The following ZNF654 variants were observed in gnomAD, a reference collection of about 807,000 sequenced individuals.
The protein encoded by ZNF654 is zinc finger protein 654.
Under a neutral mutation model 95.3 loss-of-function variants are expected in ZNF654, and 19 were observed. That is an observed-to-expected ratio of 0.20 (90% CI 0.14 to 0.29). ZNF654 has a LOEUF of 0.29. Ranked by LOEUF, ZNF654 falls within the 10% of genes least tolerant of loss-of-function variation. The pLI is 1.00. For synonymous variants in ZNF654, 413 were observed against 457.9 expected (o/e 0.90, Z 1.25); for missense variants, 1,046 against 1,341.0 (o/e 0.78, Z 3.44).
chr3:88,106,928 T>C (rs1704777545), intron 2 of ZNF654, among the ~76,000 whole-genome samples: 1 of 152,238 alleles, frequency 6.6e-6, no homozygotes, highest in East Asian at 1.9e-4. Flanking sequence ...CACATACTAT[T>C]GTGGTCTCTT....
chr3:88,103,192 A>G (rs1247441379), intron 2 of ZNF654, among the ~76,000 whole-genome samples: 7 of 152,188 alleles, frequency 4.6e-5, no homozygotes, highest in African/African-American at 1.7e-4. Context: ...GAGACCCCCT[A>G]TTAAGAGATA....
intron 7 of ZNF654, among the ~76,000 whole-genome samples, chr3:88,137,250 G>A (rs1269929180): frequency 2.9e-5 from 4 of 138,934 alleles, no homozygotes; most frequent in Non-Finnish European, 6.3e-5. Context: ...GAAAGAAAAC[G>A]AATTCTGTTT....
chr3:88,093,062 TG>T (rs1351131467), intron 2 of ZNF654, among the ~76,000 whole-genome samples: 11 of 152,236 alleles, frequency 7.2e-5, no homozygotes, highest in Non-Finnish European at 1.5e-4. Context: ...CCTTATAAGA[TG>T]TATTTTCTGA....
intron 1 of ZNF654, 38 bp downstream of exon 1, chr3:88,059,543 G>A: frequency 6.9e-7 from 1 of 1,452,102 alleles, no homozygotes; most frequent in Non-Finnish European, 9.0e-7. Flanking sequence ...TGTCACCCGG[G>A]TCCTGGGCCT....
At chr3:88,107,068 C>T (rs1451090937) in intron 2 of ZNF654, among the ~76,000 whole-genome samples, 2 of 152,110 alleles carry the variant, frequency 1.3e-5, no homozygotes, top group African/African-American at 2.4e-5. Context: ...TTGCCAGATA[C>T]ACAATTTTGT....
chr3:88,078,432 C>G (rs185742509), intron 1 of ZNF654, among the ~76,000 whole-genome samples: 387 of 151,994 alleles, frequency 2.5e-3, no homozygotes, highest in African/African-American at 9.1e-3. Context: ...AAATCTCATC[C>G]CAGGATACTG....
Position 88,139,621 on chromosome 3 carries a change from A to G in ZNF654, c.1952A>G (p.Lys651Arg). 6.2e-7 allele frequency: 1 copy of G among 1,613,656 alleles called. No individual in the cohort carries two copies. The highest frequency in any genetic ancestry group is 8.5e-7 in the Non-Finnish European group (1 of 1,179,714). Residue 651 changes from lysine (K) to arginine (R), a missense_variant, in exon 8 of 9, where the codon AAA becomes AGA. Physicochemically the swap from Lys to Arg is conservative, Grantham distance 26. This residue lies in a region of ZNF654 where 495 missense variants were observed against 537.0 expected (regional missense o/e 0.92). Coordinates refer to ENST00000636215, the MANE Select transcript of ZNF654 (RefSeq NM_001350134.2). The stretch of plus-strand genomic sequence containing the variant: ...CTTACTGCTTCTAGTGAAGGAAACA[A>G]AGAAGTCATCCCTGAGCATGTGGCT... ...ETLTASSEGN[K>R]EVIPEHVAEF...
intron 1 of ZNF654, among the ~76,000 whole-genome samples, chr3:88,075,743 G>A (rs567858889): frequency 1.2e-3 from 178 of 152,034 alleles, no homozygotes; most frequent in Non-Finnish European, 2.3e-3. Flanking sequence ...AATTTGCCTC[G>A]CCTATCTTCC....
intron 3 of ZNF654, among the ~76,000 whole-genome samples, chr3:88,119,818 G>GATAGGGT (rs1335492541): frequency 6.6e-6 from 1 of 152,080 alleles, no homozygotes; most frequent in Non-Finnish European, 1.5e-5. Flanking sequence ...AAATGCTAAT[G>GATAGGGT]ATAGGGTTGT....
rs1169785306 is a variant in ZNF654, at chr3:88,067,406, G to A, written c.186+7901G>A. Among the ~76,000 whole-genome samples the A allele has an allele frequency of 3.3e-5, 5 of 152,150 alleles. 1 individual carries two copies. The highest frequency in any genetic ancestry group is 1.2e-4 in the African/African-American group (5 of 41,404). ...AAGCCAGAGCTCAAAAGGGAGGTCC[G>A]GTTATCATAGCCGTGTGGATGGTAT... On this transcript the variant is annotated intron_variant, in intron 1 of 8. Coordinates refer to ENST00000636215, the MANE Select transcript of ZNF654 (RefSeq NM_001350134.2).
chr3:88,063,233 T>C (rs1706988921), intron 1 of ZNF654, among the ~76,000 whole-genome samples: 3 of 152,192 alleles, frequency 2.0e-5, no homozygotes, highest in Admixed American at 2.0e-4. Context: ...TGGTCCGGAA[T>C]ATCAGTAATG....
intron 1 of ZNF654, among the ~76,000 whole-genome samples, chr3:88,060,090 A>G (rs554355724): frequency 1.3e-5 from 2 of 152,196 alleles, no homozygotes; most frequent in East Asian, 3.9e-4. Flanking sequence ...TTTTTCGGAC[A>G]GAGAGTGCGT....
chr3:88,117,920 C>G (rs1464714768), intron 3 of ZNF654, among the ~76,000 whole-genome samples: 1 of 147,064 alleles, frequency 6.8e-6, no homozygotes, highest in Non-Finnish European at 1.5e-5. Context: ...CTGGAACTTA[C>G]CAGTACTATT....
intron 1 of ZNF654, among the ~76,000 whole-genome samples, chr3:88,079,231 T>C (rs1576221619): frequency 6.6e-6 from 1 of 152,126 alleles, no homozygotes; most frequent in South Asian, 2.1e-4. Flanking sequence ...TGAAGTCTTA[T>C]GTTCCATATT....
Position 88,138,849 on chromosome 3 carries a change from T to G in ZNF654, c.1180T>G (p.Cys394Gly). The G allele has an allele frequency of 8.1e-7, 1 of 1,232,116 alleles. No homozygotes were observed. The highest frequency in any genetic ancestry group is 3.2e-5 in the East Asian group (1 of 31,694). The allele number at this position is 1,232,116 out of a possible 1,614,324, so 76.3% of individuals were successfully genotyped here. ...AAATGATTTGGAGATCCTCAGGATT[T>G]GTGCACTCTCAATATTTTTTCTGGA... ...LPNDLEILRICALSIFFLERS... is the reference protein window; with the variant it reads ...LPNDLEILRIGALSIFFLERS... The change falls in exon 8 of 9, where the codon TGT becomes GGT. Residue 394 changes from cysteine (C) to glycine (G), a missense_variant. Coordinates refer to ENST00000636215, the MANE Select transcript of ZNF654 (RefSeq NM_001350134.2).
At chr3:88,100,027 G>A (rs1024914120) in intron 2 of ZNF654, among the ~76,000 whole-genome samples, 1 of 152,144 alleles carries the variant, frequency 6.6e-6, no homozygotes, top group Non-Finnish European at 1.5e-5. Flanking sequence ...TACCATCACA[G>A]TGAACAGGCA....
At chr3:88,064,065 A>T (rs1389773769) in intron 1 of ZNF654, among the ~76,000 whole-genome samples, 2 of 150,792 alleles carry the variant, frequency 1.3e-5, no homozygotes, top group African/African-American at 2.4e-5. Flanking sequence ...TTCTGTCAGT[A>T]TGGAAGAAAA....
chr3:88,120,705 C>CT (rs1295469160), intron 3 of ZNF654, among the ~76,000 whole-genome samples: 1 of 152,122 alleles, frequency 6.6e-6, no homozygotes, highest in Non-Finnish European at 1.5e-5. Flanking sequence ...GCGTATATTA[C>CT]TTACGCACAT....
At chr3:88,091,698 T>C (rs1708638688) in intron 2 of ZNF654, among the ~76,000 whole-genome samples, 2 of 152,156 alleles carry the variant, frequency 1.3e-5, no homozygotes, top group Non-Finnish European at 2.9e-5. Flanking sequence ...GGTCGGGTTT[T>C]TCCTGTGCTG....
Sources: gnomAD v4.1 joint callset for allele counts (sites outside exome capture counted in the v4.1 genomes callset) on GRCh38, gnomAD v4.1.1 for gene constraint, gnomAD v4.1.1 regional missense constraint, MANE v1.5 for transcripts, NCBI Gene and HGNC (gene_info 2026-07-23, HGNC 2026-07-21) for gene names.